The following RGS7 variants were observed in gnomAD, a reference collection of about 807,000 sequenced individuals.
RGS7 encodes regulator of G-protein signaling 7.
In RGS7, 27 loss-of-function variants were observed where a neutral mutation model predicts 81.1. The ratio of observed to expected loss-of-function variants is 0.33; its 90% CI spans 0.25 to 0.46. RGS7 has a LOEUF of 0.46. Ranked by LOEUF, RGS7 falls within the 20% of genes least tolerant of loss-of-function variation. The pLI is 1.00. For synonymous variants in RGS7, 208 were observed against 207.7 expected (o/e 1.00, Z -0.01); for missense variants, 396 against 607.4 (o/e 0.65, Z 3.66).
At chr1:241,094,238 A>AC (rs2064091055) in intron 3 of RGS7, among the ~76,000 whole-genome samples, 3 of 136,382 alleles carry the variant, frequency 2.2e-5, no homozygotes, top group African/African-American at 5.3e-5. Context: ...GACATACATA[A>AC]ACACACACAC....
chr1:240,896,550 C>G (rs1558430827), intron 6 of RGS7, among the ~76,000 whole-genome samples: 1 of 152,106 alleles, frequency 6.6e-6, no homozygotes, highest in Non-Finnish European at 1.5e-5. Flanking sequence ...AATCCTTTCC[C>G]CATTTCTTGT....
Position 240,940,634 on chromosome 1 carries a change from T to G in RGS7, c.227-3928A>C, listed in dbSNP as rs986174676. ...GAGTATAGATACAAGAAGGGAAAAC[T>G]GAGATGCCCAGGAAGATAGACAGTA... On this transcript the variant is annotated intron_variant, in intron 4 of 18. Coordinates refer to ENST00000440928, the MANE Select transcript of RGS7 (RefSeq NM_001364886.1). 1.7e-4 allele frequency among the ~76,000 whole-genome samples: 26 copies of G among 152,238 alleles called. 1 individual carries two copies. The South Asian group carries it at 3.3e-3, about 19-fold the overall frequency.
intron 2 of RGS7, among the ~76,000 whole-genome samples, chr1:241,168,974 A>G (rs1471725751): frequency 6.6e-6 from 1 of 152,202 alleles, no homozygotes; most frequent in African/African-American, 2.4e-5. Flanking sequence ...CCTTCACATA[A>G]GAATGCCACC....
chr1:241,356,843 G>C (rs1396720605), intron 1 of RGS7, 56 bp downstream of exon 1: 1 of 151,050 alleles, frequency 6.6e-6, no homozygotes, highest in Non-Finnish European at 1.5e-5. Flanking sequence ...TGCGGGCCGG[G>C]GGCCGGGAGG....
intron 2 of RGS7, among the ~76,000 whole-genome samples, chr1:241,217,896 T>C (rs1411088636): frequency 6.6e-6 from 1 of 152,216 alleles, no homozygotes; most frequent in Non-Finnish European, 1.5e-5. Flanking sequence ...CAATCAATTT[T>C]TGCAAGTTCC....
At chr1:241,287,130 G>T (rs1328626595) in intron 2 of RGS7, among the ~76,000 whole-genome samples, 1 of 152,160 alleles carries the variant, frequency 6.6e-6, no homozygotes, top group Non-Finnish European at 1.5e-5. Flanking sequence ...AAGGCAGTCT[G>T]CCCTTTAACA....
intron 3 of RGS7, among the ~76,000 whole-genome samples, chr1:241,043,635 T>C (rs1055461466): frequency 2.7e-5 from 4 of 147,470 alleles, no homozygotes; most frequent in Non-Finnish European, 4.5e-5. Flanking sequence ...ATAATACATA[T>C]TATAATACAT....
chr1:241,098,886 T>C (rs1367810329), intron 2 of RGS7, 124 bp from the exon 3 acceptor site: 27 of 715,700 alleles, frequency 3.8e-5, no homozygotes, highest in Non-Finnish European at 2.4e-5. Context: ...TTCTTGCCTT[T>C]CTAGTTTTTG....
intron 18 of RGS7, among the ~76,000 whole-genome samples, chr1:240,778,202 G>T (rs939816876): frequency 6.6e-6 from 1 of 151,986 alleles, no homozygotes; most frequent in African/African-American, 2.4e-5. Context: ...TCACCTTCAT[G>T]ATCTAATGAC....
chr1:240,822,277 C>T (rs914007020), intron 10 of RGS7, among the ~76,000 whole-genome samples: 3 of 151,994 alleles, frequency 2.0e-5, no homozygotes, highest in Non-Finnish European at 2.9e-5. Flanking sequence ...AAAAAAGAAG[C>T]GCTGTCCCAC....
At chr1:240,927,332 T>TG (rs1278706444) in intron 6 of RGS7, among the ~76,000 whole-genome samples, 3 of 152,204 alleles carry the variant, frequency 2.0e-5, no homozygotes, top group Non-Finnish European at 4.4e-5. Context: ...ACCAATGTGT[T>TG]GGGATTACAG....
Position 241,030,373 on chromosome 1 carries a change from T to TATATATATATATATATATATACACAC in RGS7, c.176-47245_176-47244insGTGTGTATATATATATATATATATAT, listed in dbSNP as rs374223475. On this transcript the variant is annotated intron_variant, in intron 3 of 18. Transcript: ENST00000440928. Reference sequence around the variant, plus strand: ...CCAGAACTTATAGCATATATATATATACATACACACATACATACACACACA... The same window carrying TATATATATATATATATATATACACAC: ...CCAGAACTTATAGCATATATATATATATATATATATATATATATATACACACACATACACACATACATACACACACA... 1.6e-3 allele frequency among the ~76,000 whole-genome samples: 212 copies of TATATATATATATATATATATACACAC among 135,192 alleles called. 5 individuals are homozygous for TATATATATATATATATATATACACAC. Among genetic ancestry groups the TATATATATATATATATATATACACAC allele is most frequent in the African/African-American group, 3.7e-3 (132 of 35,306 alleles). The allele number at this position is 135,192 out of a possible 152,430, so 88.7% of individuals were successfully genotyped here. A position where few individuals can be genotyped will look rare whatever the true frequency, so the allele number is the denominator to read the frequency against.
At chr1:241,036,595 T>C (rs1349493717) in intron 3 of RGS7, among the ~76,000 whole-genome samples, 2 of 152,228 alleles carry the variant, frequency 1.3e-5, no homozygotes, top group African/African-American at 2.4e-5. Flanking sequence ...CCAGTGCTGT[T>C]TGAGAAACCA....
chr1:241,157,668 G>A (rs1250517733), intron 2 of RGS7, among the ~76,000 whole-genome samples: 1 of 152,108 alleles, frequency 6.6e-6, no homozygotes, highest in Non-Finnish European at 1.5e-5. Flanking sequence ...CCTGCCATCA[G>A]ATTTTGTTGG....
At chr1:241,172,150 T>G (rs190857119) in intron 2 of RGS7, among the ~76,000 whole-genome samples, 1 of 152,326 alleles carries the variant, frequency 6.6e-6, no homozygotes, top group African/African-American at 2.4e-5. Context: ...TTCCCATTGT[T>G]TATGCAGTCA....
chr1:241,337,930 TG>T (rs1188003958), intron 2 of RGS7, among the ~76,000 whole-genome samples: 1 of 152,260 alleles, frequency 6.6e-6, no homozygotes, highest in Non-Finnish European at 1.5e-5. Flanking sequence ...ACTATTGTTT[TG>T]GTTAGTGTTT....
chr1:240,782,268 C>T (rs1351819983), intron 18 of RGS7, among the ~76,000 whole-genome samples: 1 of 152,188 alleles, frequency 6.6e-6, no homozygotes, highest in Non-Finnish European at 1.5e-5. Flanking sequence ...ACGATCACTT[C>T]CAGGGAAGTA....
chr1:241,296,899 ATCAAGT>A (rs1237182783), intron 2 of RGS7, among the ~76,000 whole-genome samples: 86 of 152,070 alleles, frequency 5.7e-4, no homozygotes, highest in Middle Eastern at 3.4e-3. Flanking sequence ...ATAAATGGTT[ATCAAGT>A]CCAATTGAAT....
intron 2 of RGS7, among the ~76,000 whole-genome samples, chr1:241,268,243 T>C (rs1374861416): frequency 1.3e-5 from 2 of 152,166 alleles, no homozygotes; most frequent in East Asian, 1.9e-4. Context: ...GAGGCTTCCA[T>C]AATTCAGTGC....
Sources: gnomAD v4.1 joint callset for allele counts (sites outside exome capture counted in the v4.1 genomes callset) on GRCh38, gnomAD v4.1.1 for gene constraint, MANE v1.5 for transcripts, NCBI Gene and HGNC (gene_info 2026-07-23, HGNC 2026-07-21) for gene names.